Variants in ADGRF5 observed in about 807,000 individuals in gnomAD.
The protein encoded by ADGRF5 is G-protein coupled receptor 116.
A neutral mutation model predicts 132.3 loss-of-function variants in ADGRF5; 75 were observed. That is an observed-to-expected ratio of 0.57 (90% CI 0.47 to 0.69). The LOEUF (loss-of-function observed/expected upper bound fraction) is 0.69, where lower values mean the gene tolerates loss of function less well. Among genes scored for constraint, ADGRF5 ranks in the 30% least tolerant of loss-of-function variants. The probability of loss-of-function intolerance (pLI) is 0.00; values close to 1 mark genes in which losing one functional copy is unlikely to be tolerated. For synonymous variants in ADGRF5, 629 were observed against 597.6 expected (o/e 1.05, Z -0.77); for missense variants, 1,516 against 1,630.6 (o/e 0.93, Z 1.21).
chr6:46,944,363 C>T (rs1173785084), intron 1 of ADGRF5, among the ~76,000 whole-genome samples: 2 of 152,210 alleles, frequency 1.3e-5, no homozygotes, highest in African/African-American at 4.8e-5. Flanking sequence ...GGCTCATGTC[C>T]TGCTGTGTCA....
intron 1 of ADGRF5, among the ~76,000 whole-genome samples, chr6:46,941,291 C>G (rs1488055356): frequency 6.6e-6 from 1 of 151,560 alleles, no homozygotes; most frequent in African/African-American, 2.4e-5. Context: ...GATTTTGACA[C>G]TGCACTCCAA....
rs531788306 is a variant in ADGRF5, at chr6:46,901,244, AC to A, written c.103-1162del. On this transcript the variant is annotated intron_variant, in intron 2 of 20. Transcript: ENST00000283296. ...CAGCTGGTAACAGAGCCTACCCCAT[AC>A]CTTGACCTGACAAGGATTTCCTAGC... Among the ~76,000 whole-genome samples the A allele has an allele frequency of 9.9e-5, 15 of 152,170 alleles. 1 individual carries two copies. In the South Asian group the frequency reaches 3.1e-3, roughly 32 times the overall value.
At chr6:46,922,097 G>GCCC (rs1777001258), upstream of ADGRF5, 1 of 152,144 alleles carries the variant, frequency 6.6e-6, no homozygotes, top group Non-Finnish European at 1.5e-5. Flanking sequence ...TTTGGCCAAT[G>GCCC]CCCCTAGTTC....
At chr6:46,922,418 G>C (rs936738842), upstream of ADGRF5, among the ~76,000 whole-genome samples, 1 of 152,178 alleles carries the variant, frequency 6.6e-6, no homozygotes, top group Non-Finnish European at 1.5e-5. Context: ...AGTTCTCCTA[G>C]GTTTCCAGGG....
At chr6:46,881,398 T>C in intron 8 of ADGRF5, 57 bp downstream of exon 8, 1 of 1,462,052 alleles carries the variant, frequency 6.8e-7, no homozygotes, top group Non-Finnish European at 9.5e-7. Flanking sequence ...TAAACTAATT[T>C]CCTAGGTTTA....
intron 10 of ADGRF5, among the ~76,000 whole-genome samples, chr6:46,877,353 CTT>C (rs1207023615): frequency 2.0e-4 from 9 of 45,704 alleles, no homozygotes; most frequent in African/African-American, 5.6e-4. Context: ...TTCTTTCTTT[CTT>C]TCTTTCTTTC....
At chr6:46,883,993 CG>C in intron 5 of ADGRF5, 101 bp downstream of exon 5, 1 of 955,884 alleles carries the variant, frequency 1.0e-6, no homozygotes, top group East Asian at 2.4e-5. Context: ...CCATCCACAT[CG>C]GACTATCAAA....
In ADGRF5 at chr6:46,859,080, A is replaced by G; in HGVS notation, c.2823T>C (p.Thr941=). ...CGCCTGAAGGGCTATTGTTCTTAAA[A>G]GTCATTGAAATCCTGAATGGCATAG... ...NTTMPFRISM[T]FKNNSPSGGE... Residue 941 remains threonine, a synonymous_variant, in exon 17 of 21, where the codon ACT becomes ACC. Transcript: ENST00000283296. 6.2e-7 allele frequency: 1 copy of G among 1,614,104 alleles called. No individual in the cohort carries two copies. The highest frequency in any genetic ancestry group is 8.5e-7 in the Non-Finnish European group (1 of 1,179,924).
chr6:46,876,546 G>A (rs531997804), intron 10 of ADGRF5, among the ~76,000 whole-genome samples: 2 of 152,168 alleles, frequency 1.3e-5, no homozygotes, highest in African/African-American at 4.8e-5. Flanking sequence ...GCTTGCAGGT[G>A]AACTGTCCTT....
chr6:46,879,923 A>G lies in ADGRF5; in HGVS notation c.931T>C (p.Leu311=), dbSNP rs754124530. The part of the protein sequence containing the change: ...NVSWRYEEQQ[L]EIQNSSRFSI... ...AATCTGCTGCTGTTCTGGATTTCCA[A>G]CTGCTGTTCTTCATAGCGCCAAGAC... The change falls in exon 9 of 21, where the codon TTG becomes CTG. Residue 311 remains leucine (L), a synonymous_variant. Transcript: ENST00000283296. 34 of 1,613,956 alleles carry G rather than the reference A, an allele frequency of 2.1e-5. No homozygotes were observed. The Admixed American group carries it at 5.0e-4, about 24-fold the overall frequency.
chr6:46,921,812 G>A lies in ADGRF5; in HGVS notation c.-124C>T, dbSNP rs544136815. 6.6e-6 allele frequency: 1 copy of A among 152,552 alleles called. No homozygotes were observed. The highest frequency in any genetic ancestry group is 1.9e-4 in the East Asian group (1 of 5,180). 9.4% of individuals were successfully genotyped at this position (152,552 alleles called of 1,614,324 possible). A position where few individuals can be genotyped will look rare whatever the true frequency, so the allele number is the denominator to read the frequency against. On this transcript the variant is annotated 5_prime_UTR_variant, in exon 1 of 21. Transcript: ENST00000283296. ...GGGCCATTTGTCCTGGGCCTCCTGG[G>A]CAGGGGCTCTCACGCCCAGTGGAGG...
chr6:46,884,086 G>T lies in ADGRF5; in HGVS notation c.505+9C>A. The T allele has an allele frequency of 6.2e-7, 1 of 1,610,902 alleles. No homozygotes were observed. Among genetic ancestry groups the T allele is most frequent in the African/African-American group, 1.3e-5 (1 of 75,006 alleles). ...CCACTCAACGAGCATTTAATGAGCA[G>T]TTACTTACCTTCCTGAAGCAGGCAA... On this transcript the variant is annotated intron_variant, in intron 5 of 20. Transcript: ENST00000283296.
At chr6:46,863,394 C>A in intron 14 of ADGRF5, 1 of 478,840 alleles carries the variant, frequency 2.1e-6, no homozygotes, top group Non-Finnish European at 4.0e-6. Context: ...CTTTTGAAAA[C>A]ACCAGTGTCT....
At chr6:46,938,039 C>T (rs1435798647) in intron 1 of ADGRF5, among the ~76,000 whole-genome samples, 1 of 152,132 alleles carries the variant, frequency 6.6e-6, no homozygotes. Flanking sequence ...GGGGTAGGGT[C>T]TACTGATTCA....
In ADGRF5 at chr6:46,869,140, A is replaced by G. The variant is rs376507488; in HGVS notation, c.1412-48T>C. The G allele has an allele frequency of 8.3e-5, 131 of 1,576,282 alleles. 1 individual carries two copies. In the African/African-American group the frequency reaches 1.6e-3, roughly 19 times the overall value. On this transcript the variant is annotated intron_variant, in intron 11 of 20. Coordinates refer to ENST00000283296, the MANE Select transcript of ADGRF5 (RefSeq NM_001098518.2). ...AGACAAAAGAAAACTGACAAGTTCA[A>G]TGTGTAGTATCTCTGGGGACATTAA... is the stretch of plus-strand genomic sequence containing the variant.
intron 2 of ADGRF5, among the ~76,000 whole-genome samples, chr6:46,902,747 G>A (rs1774904031): frequency 6.6e-6 from 1 of 152,204 alleles, no homozygotes; most frequent in Non-Finnish European, 1.5e-5. Context: ...AGTGGGAGCA[G>A]CCTACTTACT....
chr6:46,900,293 A>AT (rs199662943), intron 2 of ADGRF5, among the ~76,000 whole-genome samples: 6 of 151,574 alleles, frequency 4.0e-5, no homozygotes, highest in African/African-American at 1.5e-4. Context: ...CTAGGAATTC[A>AT]TTTTTTTTTA....
chr6:46,902,239 T>A (rs1321986467), intron 2 of ADGRF5, among the ~76,000 whole-genome samples: 1 of 152,132 alleles, frequency 6.6e-6, no homozygotes, highest in African/African-American at 2.4e-5. Context: ...CCTGCCTCCA[T>A]CCTCTCTGGG....
At chr6:46,863,254 G>C (rs1256305632) in intron 14 of ADGRF5, 158 bp from the exon 15 acceptor site, 2 of 712,366 alleles carry the variant, frequency 2.8e-6, no homozygotes, top group Admixed American at 2.0e-5. Context: ...TTTTGCCCTT[G>C]ATTTTCCAAA....
Sources: gnomAD v4.1 joint callset for allele counts (sites outside exome capture counted in the v4.1 genomes callset) on GRCh38, gnomAD v4.1.1 for gene constraint, MANE v1.5 for transcripts, NCBI Gene and HGNC (gene_info 2026-07-23, HGNC 2026-07-21) for gene names.